GABRB1: variants seen among roughly 807,000 people sequenced by gnomAD.
GABRB1 encodes the protein gamma-aminobutyric acid type A receptor subunit beta1.
A neutral mutation model predicts 51.6 loss-of-function variants in GABRB1; 17 were observed. The ratio of observed to expected loss-of-function variants is 0.33; its 90% CI spans 0.23 to 0.49. The LOEUF is 0.49. GABRB1 is among the 20% of genes least tolerant of loss of function. The pLI is 0.99. For synonymous variants in GABRB1, 247 were observed against 218.9 expected (o/e 1.13, Z -1.14); for missense variants, 410 against 600.6 (o/e 0.68, Z 3.32).
chr4:46,994,672 A>C (rs1723926038), intron 1 of GABRB1, among the ~76,000 whole-genome samples: 3 of 152,190 alleles, frequency 2.0e-5, no homozygotes, highest in African/African-American at 7.2e-5. Flanking sequence ...AAGCATTCCC[A>C]ATAGATCTTT....
At chr4:47,099,311 C>A (rs948982820) in intron 3 of GABRB1, among the ~76,000 whole-genome samples, 4 of 152,070 alleles carry the variant, frequency 2.6e-5, no homozygotes, top group Non-Finnish European at 4.4e-5. Context: ...AGCTGAGAAT[C>A]ACTGCTGTAG....
intron 5 of GABRB1, among the ~76,000 whole-genome samples, chr4:47,328,962 G>A (rs1287270919): frequency 6.6e-6 from 1 of 151,654 alleles, no homozygotes; most frequent in Non-Finnish European, 1.5e-5. Flanking sequence ...TTATAAAATG[G>A]CCTAGCTTAG....
At chr4:47,175,542 A>G (rs1005649204) in intron 4 of GABRB1, among the ~76,000 whole-genome samples, 10 of 152,164 alleles carry the variant, frequency 6.6e-5, no homozygotes, top group Non-Finnish European at 1.3e-4. Context: ...GGTTTACTAG[A>G]TTTTAAGGAG....
intron 1 of GABRB1, among the ~76,000 whole-genome samples, chr4:47,023,926 T>A (rs1333784588): frequency 1.3e-5 from 2 of 152,016 alleles, no homozygotes; most frequent in African/African-American, 4.8e-5. Flanking sequence ...TGTTCTTTTC[T>A]TATGTAACTC....
chr4:47,270,083 C>T (rs1359677141), intron 4 of GABRB1, among the ~76,000 whole-genome samples: 3 of 152,076 alleles, frequency 2.0e-5, no homozygotes, highest in East Asian at 3.9e-4. Context: ...TTGTCCAGTT[C>T]GCCTTTGGAT....
chr4:47,151,069 G>T (rs1346036364), intron 3 of GABRB1, among the ~76,000 whole-genome samples: 1 of 151,946 alleles, frequency 6.6e-6, no homozygotes, highest in Non-Finnish European at 1.5e-5. Flanking sequence ...ATTACCATTA[G>T]TCTTTTTAGA....
intron 3 of GABRB1, among the ~76,000 whole-genome samples, chr4:47,152,993 A>G (rs1717529660): frequency 6.6e-6 from 1 of 152,004 alleles, no homozygotes; most frequent in Admixed American, 6.6e-5. Context: ...GCCAGTAAAG[A>G]AAAGTGGAAC....
intron 3 of GABRB1, among the ~76,000 whole-genome samples, chr4:47,107,476 A>G (rs1425402571): frequency 1.3e-5 from 2 of 152,008 alleles, no homozygotes; most frequent in Non-Finnish European, 2.9e-5. Flanking sequence ...AATACAAGAT[A>G]ATATTTGCAT....
chr4:47,161,523 A>G, intron 4 of GABRB1, 54 bp downstream of exon 4: 2 of 1,485,148 alleles, frequency 1.3e-6, no homozygotes, highest in Non-Finnish European at 9.3e-7. Flanking sequence ...GTTTCATTTT[A>G]AACTTTTGGA....
chr4:47,226,605 T>C (rs987559920), intron 4 of GABRB1, among the ~76,000 whole-genome samples: 4 of 152,140 alleles, frequency 2.6e-5, no homozygotes, highest in African/African-American at 9.7e-5. Context: ...TTTTTTTATA[T>C]AAAACACAGA....
chr4:47,425,377 C>CCACACA (rs34275303), intron 8 of GABRB1, among the ~76,000 whole-genome samples: 1,408 of 138,372 alleles, frequency 0.01, 7 homozygotes, highest in Middle Eastern at 0.028. Context: ...AGAAGAAATA[C>CCACACA]CACACACACA....
chr4:47,162,028 T>C (rs1166205204), intron 4 of GABRB1, among the ~76,000 whole-genome samples: 1 of 152,204 alleles, frequency 6.6e-6, no homozygotes, highest in Admixed American at 6.6e-5. Flanking sequence ...GGTCTTCATT[T>C]GCACAGTAAA....
chr4:47,099,726 G>C (rs1364813161), intron 3 of GABRB1, among the ~76,000 whole-genome samples: 1 of 151,910 alleles, frequency 6.6e-6, no homozygotes, highest in Non-Finnish European at 1.5e-5. Flanking sequence ...AACTTAGAGA[G>C]AGGCACTGTA....
At chr4:47,024,690 A>G (rs1291013621) in intron 1 of GABRB1, among the ~76,000 whole-genome samples, 1 of 151,394 alleles carries the variant, frequency 6.6e-6, no homozygotes, top group African/African-American at 2.4e-5. Context: ...TATACACTGA[A>G]CCCATTTGTA....
intron 4 of GABRB1, among the ~76,000 whole-genome samples, chr4:47,282,397 G>A (rs1038052038): frequency 1.3e-5 from 2 of 152,118 alleles, no homozygotes; most frequent in Non-Finnish European, 2.9e-5. Context: ...CCACATGCAT[G>A]CTAGCACATA....
In GABRB1 at chr4:47,309,320, A is replaced by G. The variant is rs547032473; in HGVS notation, c.462-10807A>G. 1.6e-4 allele frequency among the ~76,000 whole-genome samples: 24 copies of G among 151,950 alleles called. 1 individual carries two copies. The highest frequency in any genetic ancestry group is 1.2e-3 in the Admixed American group (18 of 15,240). ...GATTTATGGACTGCTTTTCATATTT[A>G]TAAAGTGGTTCATGAATCACCCTGC... On this transcript the variant is annotated intron_variant, in intron 4 of 8. Transcript: ENST00000295454.
intron 8 of GABRB1, among the ~76,000 whole-genome samples, chr4:47,410,704 G>T (rs62297847): frequency 0.026 from 3,924 of 152,290 alleles, 76 homozygotes; most frequent in Non-Finnish European, 0.038. Context: ...CTAGAAGCTG[G>T]GGGAAAGAAA....
intron 4 of GABRB1, among the ~76,000 whole-genome samples, chr4:47,299,912 A>G (rs1416831653): frequency 1.3e-5 from 2 of 152,010 alleles, no homozygotes; most frequent in Non-Finnish European, 2.9e-5. Context: ...ATGCAGCCAT[A>G]AAAAATGATG....
intron 4 of GABRB1, among the ~76,000 whole-genome samples, chr4:47,315,948 C>T (rs1724870408): frequency 6.6e-6 from 1 of 151,690 alleles, no homozygotes; most frequent in African/African-American, 2.4e-5. Context: ...ATGACTATTA[C>T]CTGGGTGGTG....
Sources: gnomAD v4.1 joint callset for allele counts (sites outside exome capture counted in the v4.1 genomes callset) on GRCh38, gnomAD v4.1.1 for gene constraint, MANE v1.5 for transcripts, NCBI Gene and HGNC (gene_info 2026-07-23, HGNC 2026-07-21) for gene names.